DLG1: variants seen among roughly 807,000 people sequenced by gnomAD.
DLG1 encodes disks large homolog 1.
Under a neutral mutation model 123.4 loss-of-function variants are expected in DLG1, and 42 were observed. The ratio of observed to expected loss-of-function variants is 0.34; its 90% CI spans 0.27 to 0.44. DLG1 has a LOEUF of 0.44. Among genes scored for constraint, DLG1 ranks in the 20% least tolerant of loss-of-function variants. The pLI is 1.00. For missense variants in DLG1, 942 were observed against 1,082.6 expected, an observed-to-expected ratio of 0.87 and a Z score of 1.82; for synonymous variants, 317 against 356.2, an observed-to-expected ratio of 0.89 and a Z score of 1.24.
chr3:197,219,743 T>C (rs1043864156), intron 4 of DLG1, among the ~76,000 whole-genome samples: 2 of 152,098 alleles, frequency 1.3e-5, no homozygotes, highest in African/African-American at 4.8e-5. Context: ...AGCGGGGATA[T>C]GCATGCACGG....
At chr3:197,274,515 C>CACGAT (rs201835921) in intron 4 of DLG1, among the ~76,000 whole-genome samples, 17,735 of 151,952 alleles carry the variant, frequency 0.12, 1,118 homozygotes, top group Middle Eastern at 0.15. Flanking sequence ...CACGACACGA[C>CACGAT]ACGATACGAT....
upstream of DLG1, chr3:197,298,644 A>G (rs929552253): frequency 6.2e-6 from 1 of 161,480 alleles, no homozygotes; most frequent in Non-Finnish European, 1.3e-5. Context: ...CGCCTTAAGG[A>G]GGAGCCAACT....
At chr3:197,202,683 G>A (rs1005718237) in intron 4 of DLG1, among the ~76,000 whole-genome samples, 2 of 152,130 alleles carry the variant, frequency 1.3e-5, no homozygotes. Flanking sequence ...CTTCTCTAGC[G>A]TTTCTAACCA....
intron 4 of DLG1, among the ~76,000 whole-genome samples, chr3:197,232,271 G>T (rs1160218326): frequency 6.6e-6 from 1 of 151,570 alleles, no homozygotes; most frequent in Non-Finnish European, 1.5e-5. Context: ...GAGGCTGAGG[G>T]GGGAAGACAA....
At chr3:197,219,916 G>A (rs961772467) in intron 4 of DLG1, among the ~76,000 whole-genome samples, 3 of 152,174 alleles carry the variant, frequency 2.0e-5, no homozygotes, top group African/African-American at 7.2e-5. Flanking sequence ...AATTAAATTT[G>A]CTGTCTAAGC....
intron 22 of DLG1, among the ~76,000 whole-genome samples, chr3:197,060,919 T>G (rs1735324435): frequency 6.6e-6 from 1 of 150,802 alleles, no homozygotes; most frequent in African/African-American, 2.5e-5. Context: ...TCCGCCTGCT[T>G]CAGCCTCCCC....
intron 1 of DLG1, chr3:197,298,214 C>T (rs1778460087): frequency 3.2e-6 from 1 of 308,134 alleles, no homozygotes; most frequent in Non-Finnish European, 5.9e-6. Flanking sequence ...GCGCCGAGCC[C>T]CGGGCTCCCC....
intron 8 of DLG1, 133 bp downstream of exon 8, chr3:197,140,007 A>G: frequency 1.1e-6 from 1 of 908,158 alleles, no homozygotes. Context: ...ATTGACTTGA[A>G]TGTTGTTAAA....
At chr3:197,167,006 G>GC (rs1414034192) in intron 5 of DLG1, among the ~76,000 whole-genome samples, 1 of 152,082 alleles carries the variant, frequency 6.6e-6, no homozygotes, top group Non-Finnish European at 1.5e-5. Context: ...TAGACATCTT[G>GC]CTGTACCAGA....
At chr3:197,223,274 G>T (rs764846684) in intron 4 of DLG1, among the ~76,000 whole-genome samples, 2 of 151,994 alleles carry the variant, frequency 1.3e-5, no homozygotes, top group Admixed American at 6.6e-5. Flanking sequence ...CTCATGTTTT[G>T]CTGATACTGC....
Position 197,224,341 on chromosome 3 carries a change from CATCTT to C in DLG1, c.319-29757_319-29753del, listed in dbSNP as rs1426027347. On this transcript the variant is annotated intron_variant, in intron 4 of 24. Transcript: ENST00000667157. ...CTTTTATAATAATAGTATTTTGAAA[CATCTT>C]ATATACATAAGATGTTTAATTTACC... 3.0e-4 allele frequency among the ~76,000 whole-genome samples: 45 copies of C among 152,092 alleles called. No homozygotes were observed. In the East Asian group the frequency reaches 7.7e-3, roughly 26 times the overall value.
At chr3:197,166,389 T>C (rs758426853) in intron 5 of DLG1, among the ~76,000 whole-genome samples, 4 of 152,166 alleles carry the variant, frequency 2.6e-5, no homozygotes, top group Non-Finnish European at 4.4e-5. Flanking sequence ...ATGAGACCTA[T>C]GGTGTTACAC....
At chr3:197,124,945 G>A (rs1778284918) in intron 11 of DLG1, among the ~76,000 whole-genome samples, 1 of 152,120 alleles carries the variant, frequency 6.6e-6, no homozygotes, top group Admixed American at 6.5e-5. Context: ...TTATGCAAGA[G>A]AGAGAAGGGA....
chr3:197,050,291 C>T lies in DLG1; in HGVS notation c.2575+1286G>A, dbSNP rs751453193. ...CTGAGGCAGGAGAATGGCGTGAACACGGAAGGCGGAGGTTGCAGTGAGCCG... is the reference window on the plus strand; with the variant it reads ...CTGAGGCAGGAGAATGGCGTGAACATGGAAGGCGGAGGTTGCAGTGAGCCG... On this transcript the variant is annotated intron_variant, in intron 24 of 24. Coordinates refer to ENST00000667157, the MANE Select transcript of DLG1 (RefSeq NM_001366207.1). Among the ~76,000 whole-genome samples, 176 of 151,726 alleles carry T rather than the reference C, an allele frequency of 1.2e-3. 1 individual carries two copies. The highest frequency in any genetic ancestry group is 7.8e-4 in the Non-Finnish European group (53 of 67,916).
intron 13 of DLG1, among the ~76,000 whole-genome samples, chr3:197,110,546 G>A (rs1159641900): frequency 1.3e-5 from 2 of 151,968 alleles, no homozygotes; most frequent in Non-Finnish European, 2.9e-5. Flanking sequence ...TCCTGTATAT[G>A]GGCCATACTT....
At position 197,257,014 on chromosome 3, in the gene DLG1, C is replaced by T. The variant is rs115952810; in HGVS notation, c.318+25665G>A. On this transcript the variant is annotated intron_variant, in intron 4 of 24. Transcript: ENST00000667157. The stretch of plus-strand genomic sequence containing the variant: ...TTACTGAACATTTTTACGTGGCAGT[C>T]AAACAATCAGCCAACAGTAGAGGGC... Among the ~76,000 whole-genome samples the T allele has an allele frequency of 7.6e-3, 1,163 of 152,166 alleles. 7 individuals are homozygous for T. The highest frequency in any genetic ancestry group is 0.011 in the Non-Finnish European group (766 of 67,986).
chr3:197,283,865 T>G lies in DLG1; in HGVS notation c.152-1020A>C, dbSNP rs1579335893. Among the ~76,000 whole-genome samples, 3 of 148,682 alleles carry G rather than the reference T, an allele frequency of 2.0e-5. No homozygotes were observed. In the South Asian group the frequency reaches 6.6e-4, roughly 33 times the overall value. ...CTCCCTTTTCAGTTGGGTTGTTTTTTTTTTTTTTTTTTTTGAGACAGAGTC... is the reference window on the plus strand; with the variant it reads ...CTCCCTTTTCAGTTGGGTTGTTTTTGTTTTTTTTTTTTTTGAGACAGAGTC... On this transcript the variant is annotated intron_variant, in intron 3 of 24. Coordinates refer to ENST00000667157, the MANE Select transcript of DLG1 (RefSeq NM_001366207.1).
chr3:197,192,220 T>C (rs541651412), intron 5 of DLG1, among the ~76,000 whole-genome samples: 65 of 152,142 alleles, frequency 4.3e-4, no homozygotes, highest in African/African-American at 1.4e-3. Context: ...GTCTCTAATG[T>C]TTAAGAATTA....
At chr3:197,207,148 C>T (rs373406593) in intron 4 of DLG1, among the ~76,000 whole-genome samples, 7 of 152,218 alleles carry the variant, frequency 4.6e-5, no homozygotes, top group East Asian at 3.8e-4. Flanking sequence ...TGGTCCTTTA[C>T]GCAAAGTTTG....
Sources: allele counts gnomAD v4.1 joint callset (sites outside exome capture counted in the v4.1 genomes callset), GRCh38; gene constraint gnomAD v4.1.1; transcripts MANE v1.5; gene names NCBI Gene and HGNC (gene_info 2026-07-23, HGNC 2026-07-21).